Variants in DNAH5 observed in about 807,000 individuals in gnomAD.
The protein encoded by DNAH5 is axonemal beta dynein heavy chain 5.
In DNAH5, 372 loss-of-function variants were observed where a neutral mutation model predicts 518.2. That is an observed-to-expected ratio of 0.72 (90% CI 0.66 to 0.78). The LOEUF (loss-of-function observed/expected upper bound fraction) is 0.78, where lower values mean the gene tolerates loss of function less well. Ranked by LOEUF, DNAH5 falls within the 30% of genes least tolerant of loss-of-function variation. DNAH5 has a pLI of 0.00. For missense variants in DNAH5, 5,523 were observed against 5,687.0 expected, an observed-to-expected ratio of 0.97 and a Z score of 0.93; for synonymous variants, 2,039 against 2,025.9, an observed-to-expected ratio of 1.01 and a Z score of -0.17.
chr5:13,819,157 T>C (rs985673026), intron 41 of DNAH5, among the ~76,000 whole-genome samples: 1 of 152,184 alleles, frequency 6.6e-6, no homozygotes, highest in Non-Finnish European at 1.5e-5. Context: ...GCTTCGTCAC[T>C]GCAACAAAAA....
Position 13,890,398 on chromosome 5 carries a change from C to T in DNAH5, c.2577+578G>A, listed in dbSNP as rs558770775. ...CTCCAGCCTGGGCAACAGAGCAAGA[C>T]TCCATCTCAAAAAAAAAAAAAAAGG... On this transcript the variant is annotated intron_variant, in intron 17 of 78. Transcript: ENST00000265104. Among the ~76,000 whole-genome samples, 337 of 127,562 alleles carry T rather than the reference C, an allele frequency of 2.6e-3. 1 individual carries two copies. The highest frequency in any genetic ancestry group is 4.5e-3 in the Non-Finnish European group (269 of 59,914). The allele number at this position is 127,562 out of a possible 152,430, so 83.7% of individuals were successfully genotyped here.
intron 11 of DNAH5, among the ~76,000 whole-genome samples, chr5:13,911,905 A>C (rs1256459075): frequency 1.3e-5 from 2 of 151,856 alleles, no homozygotes; most frequent in Non-Finnish European, 2.9e-5. Context: ...CACAGAACAC[A>C]AACAATATAG....
At chr5:13,960,514 C>T (rs1010907102) in intron 1 of DNAH5, among the ~76,000 whole-genome samples, 1 of 152,184 alleles carries the variant, frequency 6.6e-6, no homozygotes, top group African/African-American at 2.4e-5. Context: ...TTCTGTATTG[C>T]CCATGGCTGC....
chr5:13,896,592 A>G (rs1360376803), intron 15 of DNAH5: 2 of 152,228 alleles, frequency 1.3e-5, no homozygotes, highest in African/African-American at 4.8e-5. Context: ...CAATTAGACT[A>G]TAAGTTCTAC....
At chr5:13,979,134 C>A (rs1290084669) in intron 1 of DNAH5, among the ~76,000 whole-genome samples, 1 of 152,138 alleles carries the variant, frequency 6.6e-6, no homozygotes, top group African/African-American at 2.4e-5. Context: ...TACACTCCAA[C>A]CTAGGGCTTT....
At chr5:13,877,156 G>T (rs541983782) in intron 21 of DNAH5, among the ~76,000 whole-genome samples, 15 of 152,242 alleles carry the variant, frequency 9.9e-5, no homozygotes, top group Admixed American at 2.0e-4. Context: ...ATTATAACTG[G>T]AGGAAAAAAA....
At chr5:13,713,445 A>G (rs1743859516) in intron 75 of DNAH5, among the ~76,000 whole-genome samples, 1 of 126,872 alleles carries the variant, frequency 7.9e-6, no homozygotes, top group African/African-American at 3.4e-5. Flanking sequence ...ATATATATAT[A>G]TATATATATA....
chr5:13,720,041 T>TG (rs1434952574), intron 71 of DNAH5, among the ~76,000 whole-genome samples: 1 of 151,720 alleles, frequency 6.6e-6, no homozygotes, highest in Non-Finnish European at 1.5e-5. Flanking sequence ...AATCTTGAGG[T>TG]GTTTTTCTAT....
At chr5:13,845,873 AG>A (rs1765928439) in intron 31 of DNAH5, among the ~76,000 whole-genome samples, 1 of 139,566 alleles carries the variant, frequency 7.2e-6, no homozygotes, top group Non-Finnish European at 1.5e-5. Context: ...GTCTATCACC[AG>A]GGCTGGAGTG....
chr5:13,803,630 A>C (rs1002223701), intron 47 of DNAH5, among the ~76,000 whole-genome samples: 3 of 152,236 alleles, frequency 2.0e-5, no homozygotes, highest in African/African-American at 4.8e-5. Flanking sequence ...TGACATTTTA[A>C]GAGAGCTTTA....
At chr5:13,852,275 C>A (rs1268590374) in intron 30 of DNAH5, among the ~76,000 whole-genome samples, 1 of 152,180 alleles carries the variant, frequency 6.6e-6, no homozygotes, top group Admixed American at 6.5e-5. Flanking sequence ...TCAAGCGATT[C>A]TCCTGCCTCA....
intron 1 of DNAH5, among the ~76,000 whole-genome samples, chr5:14,011,606 T>A (rs1030859450): frequency 6.6e-6 from 1 of 152,078 alleles, no homozygotes; most frequent in African/African-American, 2.4e-5. Flanking sequence ...GCGGCGGCCC[T>A]GGCTGGGCGT....
chr5:13,833,130 C>CAAAAAAAAA (rs750433752), intron 35 of DNAH5, among the ~76,000 whole-genome samples: 1 of 34,850 alleles, frequency 2.9e-5, no homozygotes, highest in African/African-American at 1.5e-4. Context: ...AATGTGTTAT[C>CAAAAAAAAA]CAAAAAAAAA....
At chr5:13,784,990 T>C (rs1031110142) in intron 52 of DNAH5, among the ~76,000 whole-genome samples, 2 of 152,102 alleles carry the variant, frequency 1.3e-5, no homozygotes, top group African/African-American at 4.8e-5. Flanking sequence ...GGGACGGGGC[T>C]GAGTGATGGT....
chr5:13,840,894 T>C lies in DNAH5; in HGVS notation c.5709+12A>G, dbSNP rs1477247231. 7 of 1,609,690 alleles carry C rather than the reference T, an allele frequency of 4.3e-6. No homozygotes were observed. Among genetic ancestry groups the C allele is most frequent in the Middle Eastern group, 1.6e-4 (1 of 6,076 alleles). On this transcript the variant is annotated intron_variant, in intron 34 of 78. Transcript: ENST00000265104. ...TTTTCTCTACATGCCACAGCATTTATAAAGAATTTACCAGGTCATCAAAGA... is the reference window on the plus strand; with the variant it reads ...TTTTCTCTACATGCCACAGCATTTACAAAGAATTTACCAGGTCATCAAAGA...
In DNAH5 at chr5:13,814,703, C is replaced by T. The variant is rs1409796457; in HGVS notation, c.7132G>A (p.Glu2378Lys). ...GAAGCATTGTCAATGTTATGAGGCT[C>T]GAAAATGATCTTGCAGTTTGGAGCC... ...PMAPNCKIIF[E>K]PHNIDNASPA... Residue 2378 changes from glutamate (E) to lysine (K), a missense_variant, in exon 43 of 79, where the codon GAG (glutamate) becomes AAG (lysine). Around this residue, in one of 3 missense-constraint regions of DNAH5, gnomAD observed 5,121 missense variants for 5,223.3 expected, o/e 0.98. Coordinates refer to ENST00000265104, the MANE Select transcript of DNAH5 (RefSeq NM_001369.3). The T allele has an allele frequency of 2.5e-6, 4 of 1,613,896 alleles. No individual in the cohort carries two copies. The highest frequency in any genetic ancestry group is 1.7e-5 in the Admixed American group (1 of 59,992).
At chr5:14,001,857 G>A (rs1158540972) in intron 1 of DNAH5, among the ~76,000 whole-genome samples, 1 of 151,862 alleles carries the variant, frequency 6.6e-6, no homozygotes. Context: ...ATCAAACCCA[G>A]AATAAAGCAA....
intron 16 of DNAH5, among the ~76,000 whole-genome samples, chr5:13,893,161 C>G (rs1254257662): frequency 6.6e-6 from 1 of 152,134 alleles, no homozygotes; most frequent in Non-Finnish European, 1.5e-5. Context: ...ATAAGACAAG[C>G]TCTTGACAAT....
intron 65 of DNAH5, among the ~76,000 whole-genome samples, chr5:13,745,209 AGTCTAAG>A (rs1402680692): frequency 6.6e-6 from 1 of 151,970 alleles, no homozygotes; most frequent in Admixed American, 6.6e-5. Flanking sequence ...AGTGAGAGTG[AGTCTAAG>A]AGATTTGGTT....
Sources: allele counts gnomAD v4.1 joint callset (sites outside exome capture counted in the v4.1 genomes callset), GRCh38; gene constraint gnomAD v4.1.1; regional missense constraint gnomAD v4.1.1; transcripts MANE v1.5; gene names NCBI Gene and HGNC (gene_info 2026-07-23, HGNC 2026-07-21).